The following EXOC4 variants were observed in gnomAD, a reference collection of about 807,000 sequenced individuals.
EXOC4 encodes the protein exocyst complex component 4, also known as SEC8-like 1.
In EXOC4, 71 loss-of-function variants were observed where a neutral mutation model predicts 107.2. The ratio of observed to expected loss-of-function variants is 0.66; its 90% CI spans 0.55 to 0.81. The LOEUF (loss-of-function observed/expected upper bound fraction) is 0.81, where lower values mean the gene tolerates loss of function less well. Among genes scored for constraint, EXOC4 ranks in the 30% least tolerant of loss-of-function variants. EXOC4 has a pLI of 0.00. For missense variants in EXOC4, 1,108 were observed against 1,189.6 expected, an observed-to-expected ratio of 0.93 and a Z score of 1.01; for synonymous variants, 456 against 441.2, an observed-to-expected ratio of 1.03 and a Z score of -0.42.
Position 133,301,261 on chromosome 7 carries a change from C to G in EXOC4, c.472-4616C>G, listed in dbSNP as rs1794635184. 2.0e-5 allele frequency among the ~76,000 whole-genome samples: 3 copies of G among 152,244 alleles called. No individual in the cohort carries two copies. In the East Asian group the frequency reaches 5.8e-4, roughly 29 times the overall value. On this transcript the variant is annotated intron_variant, in intron 3 of 17. Transcript: ENST00000253861. ...CACTAAGTAAATCTAGGCTTCAGGG[C>G]ATGTTTCTTTTGTTCATACAGAGAT... is the stretch of plus-strand genomic sequence containing the variant.
chr7:133,907,774 G>T (rs1337229984), intron 12 of EXOC4, among the ~76,000 whole-genome samples: 2 of 152,036 alleles, frequency 1.3e-5, no homozygotes, highest in African/African-American at 4.8e-5. Flanking sequence ...GGGAGGCAGA[G>T]GTTGCAGTGA....
At chr7:133,790,584 A>G (rs1796681547) in intron 10 of EXOC4, among the ~76,000 whole-genome samples, 1 of 152,260 alleles carries the variant, frequency 6.6e-6, no homozygotes, top group Non-Finnish European at 1.5e-5. Flanking sequence ...GTGGGTGACC[A>G]CATGCATTTC....
intron 11 of EXOC4, among the ~76,000 whole-genome samples, chr7:133,850,213 C>A (rs1798212726): frequency 6.6e-6 from 1 of 152,108 alleles, no homozygotes; most frequent in Non-Finnish European, 1.5e-5. Context: ...TAGCCTAGAG[C>A]TTTGGCACTG....
intron 10 of EXOC4, among the ~76,000 whole-genome samples, chr7:133,781,316 G>A (rs773089339): frequency 6.6e-6 from 1 of 152,132 alleles, no homozygotes; most frequent in Non-Finnish European, 1.5e-5. Flanking sequence ...ATCTCTTGGG[G>A]TTCCTGGAGT....
At chr7:133,562,584 T>G (rs1800830268) in intron 9 of EXOC4, among the ~76,000 whole-genome samples, 1 of 152,210 alleles carries the variant, frequency 6.6e-6, no homozygotes, top group Admixed American at 6.5e-5. Context: ...ACTAGAGCTG[T>G]TTTCACAAGT....
intron 12 of EXOC4, among the ~76,000 whole-genome samples, chr7:133,913,082 G>T (rs1389103401): frequency 6.6e-6 from 1 of 152,158 alleles, no homozygotes; most frequent in Non-Finnish European, 1.5e-5. Context: ...ATGAGAAAAA[G>T]GCTTTCTAGG....
At chr7:133,847,770 A>G (rs1422544960) in intron 11 of EXOC4, among the ~76,000 whole-genome samples, 1 of 150,686 alleles carries the variant, frequency 6.6e-6, no homozygotes, top group Non-Finnish European at 1.5e-5. Flanking sequence ...GTGCAATGGC[A>G]TGATCTCGGC....
chr7:133,950,231 A>T (rs1317555546), intron 14 of EXOC4, among the ~76,000 whole-genome samples: 2 of 152,206 alleles, frequency 1.3e-5, no homozygotes, highest in Non-Finnish European at 2.9e-5. Context: ...GACTGTCTTT[A>T]TATGAGAAAC....
intron 11 of EXOC4, 51 bp downstream of exon 11, chr7:133,817,595 T>C: frequency 1.5e-6 from 2 of 1,327,264 alleles, no homozygotes; most frequent in Non-Finnish European, 2.1e-6. Flanking sequence ...TTCATTGACT[T>C]GGCAAGTGTC....
intron 7 of EXOC4, among the ~76,000 whole-genome samples, chr7:133,398,590 A>G (rs1250632250): frequency 6.6e-6 from 1 of 152,196 alleles, no homozygotes; most frequent in Non-Finnish European, 1.5e-5. Context: ...CTTCATTTTA[A>G]TAACTTTCCT....
chr7:134,042,482 A>G (rs979282004), intron 17 of EXOC4, among the ~76,000 whole-genome samples: 36 of 152,184 alleles, frequency 2.4e-4, no homozygotes, highest in Admixed American at 1.0e-3. Context: ...GCTAGGAAAA[A>G]AAAAAAAAGG....
intron 9 of EXOC4, among the ~76,000 whole-genome samples, chr7:133,567,990 C>A (rs1195450487): frequency 6.6e-6 from 1 of 152,112 alleles, no homozygotes; most frequent in African/African-American, 2.4e-5. Context: ...CCATAGTGTA[C>A]CATTTTACAC....
intron 7 of EXOC4, among the ~76,000 whole-genome samples, chr7:133,412,232 T>G (rs1410437225): frequency 1.4e-5 from 2 of 147,114 alleles, no homozygotes; most frequent in Non-Finnish European, 3.0e-5. Flanking sequence ...GTGTCCAGAT[T>G]GTACAGAATT....
chr7:133,744,774 T>G (rs1024238481), intron 10 of EXOC4, among the ~76,000 whole-genome samples: 1 of 152,200 alleles, frequency 6.6e-6, no homozygotes, highest in African/African-American at 2.4e-5. Context: ...GTCATTTTTA[T>G]AAGACTGTAC....
the EXOC4 span, among the ~76,000 whole-genome samples, chr7:134,090,948 C>G: frequency 6.6e-6 from 1 of 151,932 alleles, no homozygotes; most frequent in Non-Finnish European, 1.5e-5. Flanking sequence ...GAGCCTCTAA[C>G]CCAATCCCAT....
intron 13 of EXOC4, among the ~76,000 whole-genome samples, chr7:133,927,411 G>C (rs137956076): frequency 2.2e-4 from 33 of 152,300 alleles, no homozygotes; most frequent in Non-Finnish European, 3.7e-4. Context: ...GAGCATAAAT[G>C]ATTTTCAGAA....
Position 133,356,541 on chromosome 7 carries a change from G to C in EXOC4, c.975G>C (p.Arg325=). The change falls in exon 6 of 18, where the codon CGG becomes CGC. Residue 325 remains arginine (R), a synonymous_variant. Transcript: ENST00000253861. ...TTQVADSGYQ[R]GENVTVENQP... is the part of the protein sequence containing the mutation. ...AGGTGGCAGACAGTGGCTATCAGCGGGGGGAGAACGTTACTGTGGAGAACC... is the reference window on the plus strand; with the variant it reads ...AGGTGGCAGACAGTGGCTATCAGCGCGGGGAGAACGTTACTGTGGAGAACC... 1 of 1,614,042 alleles carries C rather than the reference G, an allele frequency of 6.2e-7. No homozygotes were observed. The highest frequency in any genetic ancestry group is 8.5e-7 in the Non-Finnish European group (1 of 1,179,952).
At chr7:133,360,170 T>C (rs149666714) in intron 6 of EXOC4, among the ~76,000 whole-genome samples, 2 of 152,346 alleles carry the variant, frequency 1.3e-5, no homozygotes, top group African/African-American at 2.4e-5. Flanking sequence ...TGCTGCCTAA[T>C]TGTTGATTCT....
At chr7:133,840,129 TAAC>T (rs1158817211) in intron 11 of EXOC4, among the ~76,000 whole-genome samples, 1 of 152,182 alleles carries the variant, frequency 6.6e-6, no homozygotes, top group Non-Finnish European at 1.5e-5. Context: ...GAAAAAGTAT[TAAC>T]AAAGATATAG....
Sources: gnomAD v4.1 joint callset for allele counts (sites outside exome capture counted in the v4.1 genomes callset) on GRCh38, gnomAD v4.1.1 for gene constraint, MANE v1.5 for transcripts, NCBI Gene and HGNC (gene_info 2026-07-23, HGNC 2026-07-21) for gene names.